Variants in SLC2A13 observed in about 807,000 individuals in gnomAD.
SLC2A13 encodes proton myo-inositol cotransporter.
SLC2A13 carries 32 observed loss-of-function variants against 64.4 expected under a neutral mutation model. The ratio of observed to expected loss-of-function variants is 0.50; its 90% confidence interval spans 0.37 to 0.67. The LOEUF is 0.67. SLC2A13 is among the 30% of genes least tolerant of loss of function. SLC2A13 has a pLI of 0.00. For missense variants in SLC2A13, 743 were observed against 829.2 expected, an observed-to-expected ratio of 0.90 and a Z score of 1.28; for synonymous variants, 338 against 327.1, an observed-to-expected ratio of 1.03 and a Z score of -0.36.
At chr12:40,099,190 T>C (rs1365085955) in intron 1 of SLC2A13, among the ~76,000 whole-genome samples, 1 of 152,180 alleles carries the variant, frequency 6.6e-6, no homozygotes, top group Non-Finnish European at 1.5e-5. Flanking sequence ...GTGGGAAAAG[T>C]TTGAGGTTTT....
chr12:40,023,797 G>A (rs1947760108), intron 3 of SLC2A13, among the ~76,000 whole-genome samples: 1 of 152,260 alleles, frequency 6.6e-6, no homozygotes, highest in East Asian at 1.9e-4. Flanking sequence ...GTCAAACTGA[G>A]GGATACATAT....
intron 3 of SLC2A13, among the ~76,000 whole-genome samples, chr12:40,006,938 G>A (rs1373283727): frequency 6.6e-6 from 1 of 152,164 alleles, no homozygotes; most frequent in African/African-American, 2.4e-5. Flanking sequence ...TATTTGTAAT[G>A]CTAGCAGATG....
intron 3 of SLC2A13, among the ~76,000 whole-genome samples, chr12:39,988,052 C>G: frequency 6.6e-6 from 1 of 152,056 alleles, no homozygotes; most frequent in East Asian, 1.9e-4. Flanking sequence ...TAGATGGTTT[C>G]CAGTTTTTCG....
intron 4 of SLC2A13, among the ~76,000 whole-genome samples, chr12:39,925,065 T>C: frequency 7.2e-6 from 1 of 138,284 alleles, no homozygotes; most frequent in African/African-American, 2.6e-5. Flanking sequence ...AGGAAGAGTC[T>C]CACTCTGCCA....
intron 4 of SLC2A13, among the ~76,000 whole-genome samples, chr12:39,895,549 TATAC>T (rs1246624959): frequency 1.4e-5 from 1 of 72,542 alleles, no homozygotes; most frequent in Non-Finnish European, 2.6e-5. Context: ...TATATATATA[TATAC>T]ACACACACAC....
intron 3 of SLC2A13, among the ~76,000 whole-genome samples, chr12:39,954,090 A>C (rs960509614): frequency 1.3e-5 from 2 of 152,236 alleles, no homozygotes; most frequent in Non-Finnish European, 2.9e-5. Flanking sequence ...AAGCCATGCA[A>C]AAATGCATGA....
rs182812101 is a variant in SLC2A13, at chr12:39,780,357, T to C, written c.1446-15499A>G. 1.1e-4 allele frequency among the ~76,000 whole-genome samples: 17 copies of C among 152,296 alleles called. No homozygotes were observed. The East Asian group carries it at 3.1e-3, about 28-fold the overall frequency. ...CTCTCTTGAGGTGTCTTACTTTTTA[T>C]GGAATTTGAATGGAAAAAGAGATGA... On this transcript the variant is annotated intron_variant, in intron 7 of 9. Transcript: ENST00000280871.
At chr12:39,915,259 C>T (rs936140853) in intron 4 of SLC2A13, among the ~76,000 whole-genome samples, 8 of 151,974 alleles carry the variant, frequency 5.3e-5, no homozygotes, top group Admixed American at 2.0e-4. Flanking sequence ...CATTGTAACA[C>T]TGTAATTACA....
intron 7 of SLC2A13, among the ~76,000 whole-genome samples, chr12:39,811,079 A>AT (rs1419180246): frequency 1.3e-5 from 2 of 151,988 alleles, no homozygotes; most frequent in Non-Finnish European, 2.9e-5. Context: ...TACAAATTTG[A>AT]TTTTTTAAAT....
At chr12:39,986,272 G>A (rs1041726324) in intron 3 of SLC2A13, among the ~76,000 whole-genome samples, 1 of 152,026 alleles carries the variant, frequency 6.6e-6, no homozygotes, top group African/African-American at 2.4e-5. Context: ...GGGGAGTAGG[G>A]ACACAAACAT....
chr12:39,870,898 T>C (rs1157560368), intron 5 of SLC2A13, among the ~76,000 whole-genome samples: 1 of 152,206 alleles, frequency 6.6e-6, no homozygotes, highest in African/African-American at 2.4e-5. Flanking sequence ...AAATATGGGA[T>C]GAGTGACTGA....
intron 2 of SLC2A13, among the ~76,000 whole-genome samples, chr12:40,036,190 T>C (rs910129717): frequency 8.6e-5 from 13 of 151,856 alleles, no homozygotes; most frequent in Non-Finnish European, 1.9e-4. Context: ...GTAGGAGGAG[T>C]TAAGGAGAGC....
chr12:39,984,067 A>T lies in SLC2A13; in HGVS notation c.926-32702T>A, dbSNP rs901428355. On this transcript the variant is annotated intron_variant, in intron 3 of 9. Coordinates refer to ENST00000280871, the MANE Select transcript of SLC2A13 (RefSeq NM_052885.4). ...AATTGGAAACCATCATTCTCAGTAAACTATCGCAAGAAGAAAAAACCAAAC... is the reference window on the plus strand; with the variant it reads ...AATTGGAAACCATCATTCTCAGTAATCTATCGCAAGAAGAAAAAACCAAAC... 4.6e-4 allele frequency among the ~76,000 whole-genome samples: 70 copies of T among 152,136 alleles called. 1 individual carries two copies. Among genetic ancestry groups the T allele is most frequent in the Admixed American group, 4.3e-3 (66 of 15,282 alleles).
intron 1 of SLC2A13, among the ~76,000 whole-genome samples, chr12:40,051,482 G>A (rs1948253125): frequency 6.6e-6 from 1 of 152,154 alleles, no homozygotes. Flanking sequence ...AGAGACATGA[G>A]CTCTGTTCTC....
At chr12:39,873,319 T>C (rs1944104167) in intron 4 of SLC2A13, among the ~76,000 whole-genome samples, 1 of 152,198 alleles carries the variant, frequency 6.6e-6, no homozygotes, top group Admixed American at 6.5e-5. Flanking sequence ...TGCGAATGTT[T>C]TGCAGTCAGA....
intron 3 of SLC2A13, among the ~76,000 whole-genome samples, chr12:39,986,063 G>A (rs1947025828): frequency 6.6e-6 from 1 of 152,030 alleles, no homozygotes; most frequent in Non-Finnish European, 1.5e-5. Flanking sequence ...ATGACGGGAG[G>A]GGAGAGATCT....
intron 6 of SLC2A13, among the ~76,000 whole-genome samples, chr12:39,849,181 A>T (rs4579982): frequency 0.7 from 106,297 of 151,534 alleles, 37,728 homozygotes; most frequent in African/African-American, 0.79. Flanking sequence ...ATAAAGATTT[A>T]AAAAAAAATT....
intron 3 of SLC2A13, among the ~76,000 whole-genome samples, chr12:39,976,495 ATAGT>A (rs1316961797): frequency 1.3e-5 from 2 of 152,230 alleles, no homozygotes; most frequent in Admixed American, 6.5e-5. Context: ...TGAAATTAGA[ATAGT>A]TAATTTTCAT....
intron 3 of SLC2A13, among the ~76,000 whole-genome samples, chr12:39,982,520 T>A (rs1652881254): frequency 2.0e-5 from 3 of 151,480 alleles, no homozygotes; most frequent in East Asian, 3.9e-4. Context: ...ACAAGCATTC[T>A]TATACACCAA....
Sources: gnomAD v4.1 joint callset for allele counts (sites outside exome capture counted in the v4.1 genomes callset) on GRCh38, gnomAD v4.1.1 for gene constraint, MANE v1.5 for transcripts, NCBI Gene and HGNC (gene_info 2026-07-23, HGNC 2026-07-21) for gene names.